The following NEK11 variants were observed in gnomAD, a reference collection of about 807,000 sequenced individuals.
NEK11 encodes NIMA related kinase 11, also known as serine/threonine-protein kinase Nek11.
In NEK11, 72 loss-of-function variants were observed where a neutral mutation model predicts 80.7. That is an observed-to-expected ratio of 0.89 (90% CI 0.74 to 1.08). The LOEUF is 1.08. NEK11 is among the 50% of genes least tolerant of loss of function. The pLI is 0.00. For synonymous variants in NEK11, 251 were observed against 260.7 expected, an observed-to-expected ratio of 0.96 and a Z score of 0.36; for missense variants, 764 against 763.6, an observed-to-expected ratio of 1.00 and a Z score of -0.01.
At chr3:131,058,056 A>G (rs1344219528) in intron 3 of NEK11, among the ~76,000 whole-genome samples, 1 of 151,292 alleles carries the variant, frequency 6.6e-6, no homozygotes, top group Non-Finnish European at 1.5e-5. Flanking sequence ...ATCTTGAATT[A>G]ATTTTTGTAT....
chr3:131,281,642 T>G (rs1238748944), intron 17 of NEK11, among the ~76,000 whole-genome samples: 1 of 152,196 alleles, frequency 6.6e-6, no homozygotes, highest in Non-Finnish European at 1.5e-5. Context: ...TGAGATTGCT[T>G]AGTTAGAGAA....
intron 14 of NEK11, among the ~76,000 whole-genome samples, chr3:131,201,865 C>G (rs139898570): frequency 6.6e-6 from 1 of 152,080 alleles, no homozygotes. Context: ...GACAGAGTCT[C>G]GTTCTGTCGC....
At chr3:131,030,999 G>A (rs1289551140) in intron 3 of NEK11, among the ~76,000 whole-genome samples, 1 of 152,026 alleles carries the variant, frequency 6.6e-6, no homozygotes, top group African/African-American at 2.4e-5. Context: ...ATAATATATT[G>A]TTTTCTTCTA....
chr3:131,272,312 T>G (rs1390988533), intron 16 of NEK11, among the ~76,000 whole-genome samples: 2 of 151,976 alleles, frequency 1.3e-5, no homozygotes, highest in Non-Finnish European at 2.9e-5. Context: ...TTTTTACTGA[T>G]GGGATGTGAA....
At chr3:131,118,178 T>C (rs2081635584) in intron 5 of NEK11, among the ~76,000 whole-genome samples, 1 of 152,136 alleles carries the variant, frequency 6.6e-6, no homozygotes, top group Non-Finnish European at 1.5e-5. Flanking sequence ...GAGTTTTGGG[T>C]ATGAAGGGCT....
intron 1 of NEK11, 195 bp downstream of exon 1, chr3:131,027,201 A>G (rs1213347066): frequency 6.6e-6 from 1 of 152,206 alleles, no homozygotes; most frequent in African/African-American, 2.4e-5. Flanking sequence ...CTTTGCCAAA[A>G]TGTAAATGTT....
At chr3:131,147,729 G>A (rs184662941) in intron 7 of NEK11, among the ~76,000 whole-genome samples, 6 of 151,972 alleles carry the variant, frequency 3.9e-5, no homozygotes, top group East Asian at 1.9e-4. Flanking sequence ...TAATTCCCTC[G>A]TTAATTCTAA....
chr3:131,338,907 A>G (rs2097240661), intron 17 of NEK11, among the ~76,000 whole-genome samples: 1 of 152,192 alleles, frequency 6.6e-6, no homozygotes, highest in Non-Finnish European at 1.5e-5. Flanking sequence ...ATCTCAGTTG[A>G]GGTGTGAGTT....
chr3:131,029,311 G>C (rs1223049550), intron 2 of NEK11, among the ~76,000 whole-genome samples: 1 of 152,162 alleles, frequency 6.6e-6, no homozygotes, highest in African/African-American at 2.4e-5. Context: ...TAGTTGGGGA[G>C]TATAAATCTT....
chr3:131,322,885 TAACA>T (rs2096911509), intron 17 of NEK11, among the ~76,000 whole-genome samples: 2 of 152,192 alleles, frequency 1.3e-5, no homozygotes, highest in African/African-American at 4.8e-5. Context: ...AAAATGGGAT[TAACA>T]AACCCATGTA....
chr3:131,080,862 C>A (rs563465606), intron 4 of NEK11, among the ~76,000 whole-genome samples: 164 of 152,248 alleles, frequency 1.1e-3, no homozygotes, highest in African/African-American at 3.2e-3. Flanking sequence ...GTAATCCCAG[C>A]ACTTTGGGAG....
chr3:131,220,306 G>T (rs1402779016), intron 14 of NEK11, among the ~76,000 whole-genome samples: 1 of 151,914 alleles, frequency 6.6e-6, no homozygotes, highest in African/African-American at 2.4e-5. Flanking sequence ...ATTAATCATA[G>T]GTTTCCTATA....
intron 4 of NEK11, among the ~76,000 whole-genome samples, chr3:131,099,314 A>T (rs1269284770): frequency 6.6e-6 from 1 of 152,046 alleles, no homozygotes; most frequent in Admixed American, 6.6e-5. Flanking sequence ...TCTATTCTGT[A>T]GCTACTGGTT....
intron 14 of NEK11, among the ~76,000 whole-genome samples, chr3:131,202,325 G>T (rs1470175096): frequency 6.6e-6 from 1 of 152,128 alleles, no homozygotes; most frequent in East Asian, 1.9e-4. Flanking sequence ...GGGGTCAGAG[G>T]ATTTCCCTTT....
chr3:131,270,534 T>G (rs1157813201), intron 16 of NEK11, among the ~76,000 whole-genome samples: 2 of 152,248 alleles, frequency 1.3e-5, no homozygotes, highest in Admixed American at 1.3e-4. Context: ...CAATTATTTT[T>G]ATTATGATTG....
chr3:131,253,976 C>T (rs1170863021), intron 16 of NEK11, among the ~76,000 whole-genome samples: 1 of 152,198 alleles, frequency 6.6e-6, no homozygotes, highest in Non-Finnish European at 1.5e-5. Context: ...AAAGTCTTTT[C>T]CTTGCTACCT....
intron 3 of NEK11, among the ~76,000 whole-genome samples, chr3:131,035,820 G>A (rs1368383275): frequency 6.6e-6 from 1 of 152,144 alleles, no homozygotes; most frequent in Non-Finnish European, 1.5e-5. Flanking sequence ...CAGGTAAAAG[G>A]TCTCTTCTAA....
At chr3:131,251,171 C>A (rs2095694028) in intron 16 of NEK11, among the ~76,000 whole-genome samples, 2 of 124,850 alleles carry the variant, frequency 1.6e-5, no homozygotes. Flanking sequence ...GTTGTATAAA[C>A]ATGTGCTATA....
intron 5 of NEK11, among the ~76,000 whole-genome samples, chr3:131,132,421 A>G (rs1043263580): frequency 2.0e-4 from 31 of 152,184 alleles, no homozygotes; most frequent in Middle Eastern, 3.4e-3. Context: ...TGGTCTATCA[A>G]TTGAGGATAT....
Sources: allele counts gnomAD v4.1 joint callset (sites outside exome capture counted in the v4.1 genomes callset), GRCh38; gene constraint gnomAD v4.1.1; transcripts MANE v1.5; gene names NCBI Gene and HGNC (gene_info 2026-07-23, HGNC 2026-07-21).